The following GAREM2 variants were observed in gnomAD, a reference collection of about 807,000 sequenced individuals.
GAREM2 encodes GRB2 associated regulator of MAPK1 subtype 2, also known as GRB2-associated and regulator of MAPK protein 2.
A neutral mutation model predicts 55.6 loss-of-function variants in GAREM2; 30 were observed. The observed-to-expected ratio is 0.54, with a 90% CI of 0.40 to 0.73. The LOEUF (loss-of-function observed/expected upper bound fraction) is 0.73, where lower values mean the gene tolerates loss of function less well. GAREM2 is among the 30% of genes least tolerant of loss of function. GAREM2 has a pLI of 0.00. For missense variants in GAREM2, 1,075 were observed against 1,257.7 expected (o/e 0.85, Z 2.20); for synonymous variants, 550 against 569.1 (o/e 0.97, Z 0.48).
chr2:26,182,002 G>A (rs1426627989), intron 2 of GAREM2: 1 of 991,256 alleles, frequency 1.0e-6, no homozygotes, highest in East Asian at 1.1e-4. Flanking sequence ...AGGCTAAAGA[G>A]TCACCTTGTC....
chr2:26,196,661 T>A, the GAREM2 span, among the ~76,000 whole-genome samples: 1 of 152,108 alleles, frequency 6.6e-6, no homozygotes, highest in Non-Finnish European at 1.5e-5. Context: ...TACTTTTAAA[T>A]GAATGACAAA....
rs892382059 is a variant in GAREM2 at position 26,176,496 on chromosome 2, C to G, written c.253+12C>G. ...CCTGCAGTACCCAGGTGTGTCCAGC[C>G]AGGACAGATGTCATAAAGCCTGTAG... On this transcript the variant is annotated intron_variant, in intron 2 of 5. Transcript: ENST00000401533. The G allele has an allele frequency of 5.9e-6, 9 of 1,528,632 alleles. No individual in the cohort carries two copies. The African/African-American group carries it at 1.2e-4, about 21-fold the overall frequency. The allele number at this position is 1,528,632 out of a possible 1,614,324, so 94.7% of individuals were successfully genotyped here.
At position 26,187,997 on chromosome 2, in the gene GAREM2, G is replaced by A; in HGVS notation, c.2365G>A (p.Ala789Thr). The A allele has an allele frequency of 6.8e-7, 1 of 1,477,430 alleles. No individual in the cohort carries two copies. The highest frequency in any genetic ancestry group is 9.0e-7 in the Non-Finnish European group (1 of 1,107,746). The allele number at this position is 1,477,430 out of a possible 1,614,324, so 91.5% of individuals were successfully genotyped here. ...EGPPASPRDG[A>T]TGFGVRDASS... The stretch of plus-strand genomic sequence containing the variant: ...GCCTCCTGCCAGTCCCCGGGATGGA[G>A]CCACAGGCTTTGGAGTCCGAGATGC... The change falls in exon 6 of 6, where the codon GCC (alanine) becomes ACC (threonine). Residue 789 changes from alanine (A) to threonine (T), a missense_variant. Ala to Thr is a moderately conservative substitution (Grantham distance 58, BLOSUM62 0). Coordinates refer to ENST00000401533, the MANE Select transcript of GAREM2 (RefSeq NM_001168241.2).
At chr2:26,193,429 C>T, downstream of GAREM2, 2 of 776,534 alleles carry the variant, frequency 2.6e-6, no homozygotes, top group Admixed American at 1.9e-5. Flanking sequence ...GCACCTGACT[C>T]ATAAAATCAT....
chr2:26,191,516 C>T (rs146406360), downstream of GAREM2: 351 of 1,614,198 alleles, frequency 2.2e-4, 2 homozygotes, highest in Non-Finnish European at 2.3e-4. Context: ...AGCCCAAAGA[C>T]GGCTCCGATG....
chr2:26,178,791 C>CGGTGGTGGTCTTGGAGG (rs904792898), intron 2 of GAREM2, among the ~76,000 whole-genome samples: 2 of 140,760 alleles, frequency 1.4e-5, no homozygotes, highest in Admixed American at 7.2e-5. Flanking sequence ...TGCCTGTGTA[C>CGGTGGTGGTCTTGGAGG]GGTGGTGGTC....
At position 26,188,056 on chromosome 2, in the gene GAREM2, A is replaced by C; in HGVS notation, c.2424A>C (p.Ala808=). Residue 808 remains alanine, a synonymous_variant, in exon 6 of 6, where the codon GCA becomes GCC. Transcript: ENST00000401533. ...SSWQPPADLS[A]LSLEEVSRSL... ...GGCAGCCCCCTGCTGACCTGTCTGC[A>C]CTCTCCCTGGAGGAGGTCTCTCGCA... 5 of 1,536,068 alleles carry C rather than the reference A, an allele frequency of 3.3e-6. No homozygotes were observed. The highest frequency in any genetic ancestry group is 1.4e-5 in the African/African-American group (1 of 72,794).
chr2:26,187,393 C>T lies in GAREM2; in HGVS notation c.1761C>T (p.Leu587=). Residue 587 remains leucine (L), a synonymous_variant, in exon 6 of 6, where the codon CTC becomes CTT. Transcript: ENST00000401533. ...AGCCCAGCCAGGCCTCCCGGGCCCT[C>T]ACAGAGCCTCTGAGCGGTCGAGCCG... ...TTQPSQASRA[L]TEPLSGRAAS... 1 of 1,547,264 alleles carries T rather than the reference C, an allele frequency of 6.5e-7. No individual in the cohort carries two copies. Among genetic ancestry groups the T allele is most frequent in the Non-Finnish European group, 8.7e-7 (1 of 1,144,936 alleles).
At chr2:26,175,258 C>T (rs893510029) in intron 1 of GAREM2, among the ~76,000 whole-genome samples, 1 of 152,176 alleles carries the variant, frequency 6.6e-6, no homozygotes, top group Non-Finnish European at 1.5e-5. Context: ...AGCCCGGACA[C>T]AGCCCCTTCT....
In GAREM2 at chr2:26,176,685, T is replaced by C. The variant is rs182331449; in HGVS notation, c.253+201T>C. Among the ~76,000 whole-genome samples, 265 of 152,264 alleles carry C rather than the reference T, an allele frequency of 1.7e-3. 2 individuals carry two copies. The highest frequency in any genetic ancestry group is 6.8e-3 in the Middle Eastern group (2 of 294). On this transcript the variant is annotated intron_variant, in intron 2 of 5. Transcript: ENST00000401533. Reference sequence around the variant, plus strand: ...GGCTCACAGGTTTTTTGATTCACATTTTATTTTAAAGTAGATTTGAAACTA... The same window carrying C: ...GGCTCACAGGTTTTTTGATTCACATCTTATTTTAAAGTAGATTTGAAACTA...
chr2:26,197,691 CT>C, the GAREM2 span: 1 of 1,363,674 alleles, frequency 7.3e-7, no homozygotes. Context: ...CCGAGTTTAC[CT>C]TCTCAGGTCT....
At chr2:26,191,554 C>T, downstream of GAREM2, 2 of 1,614,146 alleles carry the variant, frequency 1.2e-6, no homozygotes, top group Non-Finnish European at 1.7e-6. Context: ...GGCCAAGATC[C>T]CCTCTTGCAG....
At chr2:26,202,058 C>T in the GAREM2 span, among the ~76,000 whole-genome samples, 2 of 151,914 alleles carry the variant, frequency 1.3e-5, no homozygotes, top group Non-Finnish European at 2.9e-5. Context: ...CTCAGCCTCC[C>T]AAAGTGTTGG....
chr2:26,192,292 C>A (rs1558313908), downstream of GAREM2: 1 of 1,227,338 alleles, frequency 8.1e-7, no homozygotes, highest in Non-Finnish European at 1.2e-6. Flanking sequence ...CAGGCATTAG[C>A]CACTCAAACG....
chr2:26,175,312 G>A (rs896990354), intron 1 of GAREM2, among the ~76,000 whole-genome samples: 2 of 151,702 alleles, frequency 1.3e-5, no homozygotes, highest in African/African-American at 4.8e-5. Context: ...CCTGGAAACC[G>A]TTGCTGGGGT....
the GAREM2 span, among the ~76,000 whole-genome samples, chr2:26,200,397 G>C: frequency 6.6e-6 from 1 of 152,078 alleles, no homozygotes; most frequent in Non-Finnish European, 1.5e-5. Flanking sequence ...TACTTGTTTT[G>C]TTCATGTCAG....
At chr2:26,182,098 C>T (rs893424507) in intron 2 of GAREM2, 28 of 1,079,714 alleles carry the variant, frequency 2.6e-5, no homozygotes, top group East Asian at 1.3e-4. Context: ...GATGCCAGGG[C>T]GGCTCAGAGC....
At chr2:26,181,898 G>A in intron 2 of GAREM2, 2 of 531,086 alleles carry the variant, frequency 3.8e-6, no homozygotes, top group Non-Finnish European at 4.8e-6. Context: ...AGGATCCCTT[G>A]AGCCCAGAAG....
downstream of GAREM2, among the ~76,000 whole-genome samples, chr2:26,191,947 G>C (rs759453302): frequency 6.6e-6 from 1 of 152,240 alleles, no homozygotes; most frequent in South Asian, 2.1e-4. Context: ...AGGGGCCAAG[G>C]AGAATCTGTC....
Sources: gnomAD v4.1 joint callset for allele counts (sites outside exome capture counted in the v4.1 genomes callset) on GRCh38, gnomAD v4.1.1 for gene constraint, MANE v1.5 for transcripts, NCBI Gene and HGNC (gene_info 2026-07-23, HGNC 2026-07-21) for gene names.